HIVEP3: variants seen among roughly 807,000 people sequenced by gnomAD.
HIVEP3 encodes HIVEP zinc finger 3.
In HIVEP3, 49 loss-of-function variants were observed where a neutral mutation model predicts 152.8. The observed-to-expected ratio is 0.32, with a 90% confidence interval of 0.26 to 0.41. HIVEP3 has a LOEUF of 0.41. HIVEP3 is among the 10% of genes least tolerant of loss of function. The pLI, the probability that HIVEP3 is intolerant of heterozygous loss-of-function variation, is 1.00. For missense variants in HIVEP3, 2,790 were observed against 3,103.3 expected (o/e 0.90, Z 2.40); for synonymous variants, 1,269 against 1,289.0 (o/e 0.98, Z 0.33).
intron 1 of HIVEP3, among the ~76,000 whole-genome samples, chr1:41,769,459 T>C (rs998935284): frequency 2.9e-5 from 4 of 139,526 alleles, no homozygotes; most frequent in African/African-American, 9.9e-5. Context: ...TTTCCATCCC[T>C]CTTTAGGTAA....
At chr1:41,635,955 C>T (rs1011043806) in intron 2 of HIVEP3, among the ~76,000 whole-genome samples, 37 of 151,976 alleles carry the variant, frequency 2.4e-4, no homozygotes, top group Admixed American at 1.1e-3. Context: ...AGAAGGCTGT[C>T]GAAGATGGAA....
At chr1:41,843,730 C>A (rs72671257) in intron 1 of HIVEP3, among the ~76,000 whole-genome samples, 20,632 of 152,224 alleles carry the variant, frequency 0.14, 1,632 homozygotes, top group Admixed American at 0.19. Flanking sequence ...GAGGCCCCAA[C>A]TCTGCCCCCA....
At chr1:41,630,736 A>G (rs973405039) in intron 2 of HIVEP3, among the ~76,000 whole-genome samples, 4 of 152,188 alleles carry the variant, frequency 2.6e-5, no homozygotes, top group African/African-American at 9.6e-5. Flanking sequence ...TTCAGCCCTG[A>G]GCAGAGAATC....
intron 1 of HIVEP3, among the ~76,000 whole-genome samples, chr1:41,954,133 C>T (rs1645125608): frequency 1.3e-5 from 2 of 152,214 alleles, no homozygotes; most frequent in Admixed American, 1.3e-4. Flanking sequence ...GTGCACCAGG[C>T]ATCCTATGCA....
chr1:41,917,310 G>A (rs986300966), intron 1 of HIVEP3, among the ~76,000 whole-genome samples: 2 of 151,948 alleles, frequency 1.3e-5, no homozygotes, highest in African/African-American at 4.8e-5. Flanking sequence ...CCCTCCCCCC[G>A]TAACACCCAA....
In HIVEP3 at chr1:41,544,844, TACCACCACC is replaced by T. The variant is rs1309800542; in HGVS notation, c.5208-19943_5208-19935del. 2.6e-3 allele frequency among the ~76,000 whole-genome samples: 31 copies of T among 11,842 alleles called. 1 individual carries two copies. Among genetic ancestry groups the T allele is most frequent in the African/African-American group, 9.7e-3 (29 of 2,990 alleles). The allele number at this position is 11,842 out of a possible 152,430, so 7.8% of individuals were successfully genotyped here. On this transcript the variant is annotated intron_variant, in intron 5 of 8. Coordinates refer to ENST00000372583, the MANE Select transcript of HIVEP3 (RefSeq NM_024503.5). Reference sequence around the variant, plus strand: ...CTACCACCACCATCACCACCACCACTACCACCACCACCACCACCACCACCACCACCACTA... The same window carrying T: ...CTACCACCACCATCACCACCACCACTACCACCACCACCACCACCACCACTA...
At chr1:41,592,369 C>A (rs1209412298) in intron 3 of HIVEP3, among the ~76,000 whole-genome samples, 1 of 152,178 alleles carries the variant, frequency 6.6e-6, no homozygotes, top group Non-Finnish European at 1.5e-5. Context: ...TCCTTTCTGA[C>A]AATTTTGGAT....
At chr1:41,906,895 C>T (rs541583509) in intron 1 of HIVEP3, among the ~76,000 whole-genome samples, 31 of 150,852 alleles carry the variant, frequency 2.1e-4, no homozygotes, top group Admixed American at 5.3e-4. Flanking sequence ...AAGTCTACCA[C>T]CTCCTTTTCC....
intron 3 of HIVEP3, among the ~76,000 whole-genome samples, chr1:41,614,836 T>C (rs1317743246): frequency 6.6e-6 from 1 of 152,206 alleles, no homozygotes; most frequent in Non-Finnish European, 1.5e-5. Flanking sequence ...GATGATACGC[T>C]GGCCAGTTCC....
chr1:41,581,388 G>T lies in HIVEP3; in HGVS notation c.3410C>A (p.Pro1137Gln). ...AAGGGAGACTGGTGGGGGCAGGTAT[G>T]GCTTCTCATGCAGGGGTGTCTGGGC... ...PVAQTPLHEK[P>Q]YLPPPVSLFS... Residue 1137 changes from proline to glutamine, a missense_variant, in exon 4 of 9, where the codon CCA becomes CAA. Physicochemically the swap from Pro to Gln is moderately conservative, Grantham distance 76. Around this residue, in one of 9 missense-constraint regions of HIVEP3, gnomAD observed 1,078 missense variants for 1,165.3 expected, o/e 0.93. Transcript: ENST00000372583. This position sits in a 1 kb window ranked among gnomAD's most constrained non-coding sequence, Gnocchi z 4.5. The T allele has an allele frequency of 2.5e-6, 4 of 1,610,724 alleles. No individual in the cohort carries two copies. Among genetic ancestry groups the T allele is most frequent in the Non-Finnish European group, 2.5e-6 (3 of 1,178,402 alleles).
At chr1:41,803,264 T>C (rs1319577824) in intron 1 of HIVEP3, among the ~76,000 whole-genome samples, 2 of 151,676 alleles carry the variant, frequency 1.3e-5, no homozygotes, top group Non-Finnish European at 2.9e-5. Context: ...GGCTGCGGAG[T>C]ATGTGTTGTT....
At chr1:41,696,114 T>C (rs1275620680) in intron 2 of HIVEP3, among the ~76,000 whole-genome samples, 1 of 152,238 alleles carries the variant, frequency 6.6e-6, no homozygotes, top group African/African-American at 2.4e-5. Flanking sequence ...TATTTGTACC[T>C]ACTTGACAAA....
chr1:41,981,355 T>C (rs1308150898), intron 1 of HIVEP3, among the ~76,000 whole-genome samples: 1 of 152,124 alleles, frequency 6.6e-6, no homozygotes, highest in Non-Finnish European at 1.5e-5. Flanking sequence ...CCCACGGAGC[T>C]GGGAAGCAAA....
chr1:41,547,713 G>A (rs1341735173), intron 5 of HIVEP3, among the ~76,000 whole-genome samples: 1 of 152,340 alleles, frequency 6.6e-6, no homozygotes, highest in African/African-American at 2.4e-5. Flanking sequence ...AGCCCACAGA[G>A]CATTTATAAT....
intron 1 of HIVEP3, among the ~76,000 whole-genome samples, chr1:41,891,493 C>T (rs1644446070): frequency 6.6e-6 from 1 of 152,168 alleles, no homozygotes; most frequent in Non-Finnish European, 1.5e-5. Context: ...GTCCATGCTG[C>T]AAAGACGGGC....
Position 41,846,023 on chromosome 1 carries a change from C to T in HIVEP3, c.-801+72390G>A, listed in dbSNP as rs375975442. Among the ~76,000 whole-genome samples, 38 of 152,238 alleles carry T rather than the reference C, an allele frequency of 2.5e-4. 1 individual carries two copies. In the South Asian group the frequency reaches 7.1e-3, roughly 28 times the overall value. On this transcript the variant is annotated intron_variant, in intron 1 of 8. Transcript: ENST00000372583. The stretch of plus-strand genomic sequence containing the variant: ...CAGTTGCAGTGAGCCAAGATTGCGC[C>T]GCTGCATTCCAGCCTGGGCAACAGA...
Position 41,510,307 on chromosome 1 carries a change from T to G in HIVEP3, c.*144A>C. 1 of 559,490 alleles carries G rather than the reference T, an allele frequency of 1.8e-6. No individual in the cohort carries two copies. Among genetic ancestry groups the G allele is most frequent in the Non-Finnish European group, 2.8e-6 (1 of 352,596 alleles). 34.7% of individuals were successfully genotyped at this position (559,490 alleles called of 1,614,324 possible). ...AAAAAGGCACAGGTAACTGCATACA[T>G]GGGAAGGTACAACAGATGGGGCCGT... On this transcript the variant is annotated 3_prime_UTR_variant, in exon 9 of 9. Coordinates refer to ENST00000372583, the MANE Select transcript of HIVEP3 (RefSeq NM_024503.5).
At chr1:41,624,371 G>A (rs190074630) in intron 3 of HIVEP3, among the ~76,000 whole-genome samples, 7 of 152,320 alleles carry the variant, frequency 4.6e-5, no homozygotes, top group African/African-American at 9.6e-5. Context: ...AAACGAGCAC[G>A]TACACACATT....
chr1:41,690,645 C>T (rs763462139), intron 2 of HIVEP3, among the ~76,000 whole-genome samples: 4 of 152,288 alleles, frequency 2.6e-5, no homozygotes, highest in South Asian at 2.1e-4. Flanking sequence ...TGGCCCGGCA[C>T]GGTGGCTTAC....
Sources: allele counts gnomAD v4.1 joint callset (sites outside exome capture counted in the v4.1 genomes callset), GRCh38; gene constraint gnomAD v4.1.1; regional missense constraint gnomAD v4.1.1; non-coding constraint Gnocchi (gnomAD v3.1); transcripts MANE v1.5; gene names NCBI Gene and HGNC (gene_info 2026-07-23, HGNC 2026-07-21).